The following LUZP2 variants were observed in gnomAD, a reference collection of about 807,000 sequenced individuals.
LUZP2 encodes the protein leucine zipper protein 2.
In LUZP2, 52 loss-of-function variants were observed where a neutral mutation model predicts 51.6. That is an observed-to-expected ratio of 1.01 (90% CI 0.81 to 1.27). LUZP2 has a LOEUF of 1.27. Ranked by LOEUF, LUZP2 falls within the 50% of genes most tolerant of loss-of-function variation. The pLI, the probability that LUZP2 is intolerant of heterozygous loss-of-function variation, is 0.00. For synonymous variants in LUZP2, 154 were observed against 137.3 expected (o/e 1.12, Z -0.85); for missense variants, 436 against 395.4 (o/e 1.10, Z -0.87).
At chr11:24,998,407 T>G (rs2133937984) in intron 9 of LUZP2, among the ~76,000 whole-genome samples, 1 of 152,286 alleles carries the variant, frequency 6.6e-6, no homozygotes, top group South Asian at 2.1e-4. Context: ...TCACTCATGA[T>G]TTGGCTCTCT....
chr11:24,504,093 A>G (rs951794751), intron 1 of LUZP2, among the ~76,000 whole-genome samples: 4 of 152,174 alleles, frequency 2.6e-5, no homozygotes, highest in Non-Finnish European at 5.9e-5. Flanking sequence ...AGATACATCT[A>G]TAATGGTTCC....
intron 9 of LUZP2, among the ~76,000 whole-genome samples, chr11:24,983,848 A>G (rs1023318646): frequency 2.0e-5 from 3 of 148,342 alleles, no homozygotes; most frequent in Non-Finnish European, 3.0e-5. Flanking sequence ...TCCAGTTATC[A>G]GTAATTTTTC....
intron 6 of LUZP2, among the ~76,000 whole-genome samples, chr11:24,911,630 C>T (rs549111996): frequency 9.2e-5 from 14 of 152,230 alleles, no homozygotes; most frequent in East Asian, 1.9e-4. Flanking sequence ...ATGCAGAACT[C>T]GGAGTCAATT....
intron 1 of LUZP2, among the ~76,000 whole-genome samples, chr11:24,554,240 T>A (rs1851802920): frequency 6.6e-6 from 1 of 152,132 alleles, no homozygotes; most frequent in Non-Finnish European, 1.5e-5. Flanking sequence ...CCCTCATTGT[T>A]CTAAGAATAC....
At chr11:24,543,664 T>C (rs1363499119) in intron 1 of LUZP2, among the ~76,000 whole-genome samples, 4 of 151,532 alleles carry the variant, frequency 2.6e-5, no homozygotes, top group African/African-American at 9.7e-5. Context: ...CTACTAAAAA[T>C]ACAGAAATTA....
chr11:24,725,752 A>C (rs1590404425), intron 1 of LUZP2, among the ~76,000 whole-genome samples: 1 of 152,302 alleles, frequency 6.6e-6, no homozygotes, highest in Admixed American at 6.5e-5. Context: ...TTGAAATCTT[A>C]ATCTCTAGTA....
chr11:24,554,007 C>T (rs907528084), intron 1 of LUZP2, among the ~76,000 whole-genome samples: 1 of 152,156 alleles, frequency 6.6e-6, no homozygotes, highest in Non-Finnish European at 1.5e-5. Context: ...ACGGACTTTC[C>T]TCCTGGCACA....
intron 5 of LUZP2, among the ~76,000 whole-genome samples, chr11:24,849,809 A>T (rs1386525148): frequency 6.6e-6 from 1 of 152,180 alleles, no homozygotes; most frequent in Non-Finnish European, 1.5e-5. Flanking sequence ...CATTTTAATG[A>T]CTGCCATTTT....
intron 1 of LUZP2, among the ~76,000 whole-genome samples, chr11:24,645,566 A>G (rs1809219742): frequency 6.6e-6 from 1 of 152,116 alleles, no homozygotes; most frequent in Admixed American, 6.6e-5. Context: ...GTTTCTACAA[A>G]TTTTGGTTCT....
At chr11:24,771,355 C>T (rs1388781723) in intron 5 of LUZP2, among the ~76,000 whole-genome samples, 2 of 149,714 alleles carry the variant, frequency 1.3e-5, no homozygotes, top group Non-Finnish European at 3.0e-5. Flanking sequence ...ATAGTGTGTG[C>T]ATGTATGTTA....
At chr11:24,658,570 C>G (rs1565058864) in intron 1 of LUZP2, among the ~76,000 whole-genome samples, 1 of 152,130 alleles carries the variant, frequency 6.6e-6, no homozygotes, top group Non-Finnish European at 1.5e-5. Context: ...CCAAAATTGA[C>G]AAATGGGATC....
rs16912927 is a variant in LUZP2 at position 24,612,491 on chromosome 11, T to C, written c.62+115186T>C. Among the ~76,000 whole-genome samples the C allele has an allele frequency of 3.5e-3, 539 of 152,232 alleles. 5 individuals are homozygous for C. Among genetic ancestry groups the C allele is most frequent in the African/African-American group, 0.013 (530 of 41,560 alleles). Reference sequence around the variant, plus strand: ...TTAAATGTGATTTACCTTTAGTTTCTATTAAAATTATGTTTATATTGAAAG... The same window carrying C: ...TTAAATGTGATTTACCTTTAGTTTCCATTAAAATTATGTTTATATTGAAAG... On this transcript the variant is annotated intron_variant, in intron 1 of 11. Coordinates refer to ENST00000336930, the MANE Select transcript of LUZP2 (RefSeq NM_001009909.4).
chr11:24,643,304 C>T (rs1056201406), intron 1 of LUZP2, among the ~76,000 whole-genome samples: 1 of 147,398 alleles, frequency 6.8e-6, no homozygotes, highest in Non-Finnish European at 1.5e-5. Flanking sequence ...GTGCATCTGT[C>T]TGGGAGGTTG....
rs571019959 is a variant in LUZP2 at position 25,057,448 on chromosome 11, T to C, written c.858+7318T>C. On this transcript the variant is annotated intron_variant, in intron 10 of 11. Transcript: ENST00000336930. ...TATTCGACTATCAGTTTGGGGTATG[T>C]ACAAGTTACTCTAAAAGCTGCGTTG... is the stretch of plus-strand genomic sequence containing the variant. Among the ~76,000 whole-genome samples the C allele has an allele frequency of 5.3e-5, 8 of 152,230 alleles. No homozygotes were observed. In the East Asian group the frequency reaches 1.2e-3, roughly 22 times the overall value.
At chr11:24,679,609 A>G (rs1856670000) in intron 1 of LUZP2, among the ~76,000 whole-genome samples, 2 of 152,164 alleles carry the variant, frequency 1.3e-5, no homozygotes, top group Admixed American at 1.3e-4. Flanking sequence ...AAGATATGGT[A>G]AGATTAATAT....
intron 5 of LUZP2, chr11:24,893,415 T>TACACATGCACACATAC (rs921526778): frequency 6.6e-6 from 1 of 152,092 alleles, no homozygotes; most frequent in Non-Finnish European, 1.5e-5. Flanking sequence ...AGTATTTCTA[T>TACACATGCACACATAC]ACACATGCAC....
At chr11:24,673,196 G>A (rs1032486603) in intron 1 of LUZP2, among the ~76,000 whole-genome samples, 1 of 152,052 alleles carries the variant, frequency 6.6e-6, no homozygotes, top group African/African-American at 2.4e-5. Context: ...GTAACATGAT[G>A]ATAAGTATTT....
At chr11:24,996,531 C>T (rs1230634086) in intron 9 of LUZP2, among the ~76,000 whole-genome samples, 2 of 151,578 alleles carry the variant, frequency 1.3e-5, no homozygotes, top group Non-Finnish European at 2.9e-5. Flanking sequence ...TCTAAGAATT[C>T]TCACGTTACA....
At chr11:24,839,094 T>C (rs1850945716) in intron 5 of LUZP2, among the ~76,000 whole-genome samples, 1 of 151,714 alleles carries the variant, frequency 6.6e-6, no homozygotes, top group African/African-American at 2.4e-5. Context: ...GTAGGTTGTA[T>C]ACTCATGAGC....
Sources: gnomAD v4.1 joint callset for allele counts (sites outside exome capture counted in the v4.1 genomes callset) on GRCh38, gnomAD v4.1.1 for gene constraint, MANE v1.5 for transcripts, NCBI Gene and HGNC (gene_info 2026-07-23, HGNC 2026-07-21) for gene names.